CDK6: variants seen among roughly 807,000 people sequenced by gnomAD.
CDK6 encodes cyclin dependent kinase 6.
Under a neutral mutation model 37.1 loss-of-function variants are expected in CDK6, and 6 were observed. That is an observed-to-expected ratio of 0.16 (90% CI 0.09 to 0.32). CDK6 has a LOEUF of 0.32. CDK6 is among the 10% of genes least tolerant of loss of function. CDK6 has a pLI of 1.00. For missense variants in CDK6, 224 were observed against 418.9 expected (o/e 0.53, Z 4.06); for synonymous variants, 160 against 161.3 (o/e 0.99, Z 0.06).
chr7:92,822,516 CTATT>C (rs1262118154), intron 2 of CDK6, among the ~76,000 whole-genome samples: 2 of 152,196 alleles, frequency 1.3e-5, no homozygotes, highest in East Asian at 1.9e-4. Flanking sequence ...CATGGCTTAA[CTATT>C]TATTCACTCA....
At chr7:92,785,971 GCA>G (rs113198879) in intron 2 of CDK6, among the ~76,000 whole-genome samples, 19 of 152,274 alleles carry the variant, frequency 1.2e-4, no homozygotes, top group African/African-American at 4.1e-4. Flanking sequence ...TAGAAAAAAG[GCA>G]CACTTCAATT....
intron 4 of CDK6, among the ~76,000 whole-genome samples, chr7:92,686,995 T>A (rs968848657): frequency 1.3e-5 from 2 of 152,230 alleles, no homozygotes; most frequent in Admixed American, 1.3e-4. Context: ...TTGCTGATTT[T>A]GTTTGAGTTC....
intron 5 of CDK6, among the ~76,000 whole-genome samples, chr7:92,645,150 T>C (rs1796416257): frequency 6.6e-6 from 1 of 152,204 alleles, no homozygotes; most frequent in Non-Finnish European, 1.5e-5. Flanking sequence ...CTGGTTAATT[T>C]GGTTTGGAGT....
At chr7:92,625,709 G>A (rs1158127286) in intron 5 of CDK6, among the ~76,000 whole-genome samples, 5 of 151,992 alleles carry the variant, frequency 3.3e-5, no homozygotes, top group African/African-American at 9.7e-5. Flanking sequence ...TGTAATCTCA[G>A]TAACAGTGGC....
chr7:92,824,405 G>C (rs553950920), intron 2 of CDK6, among the ~76,000 whole-genome samples: 81 of 152,134 alleles, frequency 5.3e-4, no homozygotes, highest in Non-Finnish European at 9.6e-4. Context: ...ACTCCTCTTT[G>C]GGTTAATTTG....
At chr7:92,812,339 C>T (rs1051838956) in intron 2 of CDK6, among the ~76,000 whole-genome samples, 18 of 152,072 alleles carry the variant, frequency 1.2e-4, no homozygotes, top group African/African-American at 3.1e-4. Flanking sequence ...TCAATAATAT[C>T]CAATAATCAA....
intron 5 of CDK6, among the ~76,000 whole-genome samples, chr7:92,640,163 G>A (rs1345647645): frequency 2.6e-5 from 4 of 152,162 alleles, no homozygotes; most frequent in Non-Finnish European, 4.4e-5. Flanking sequence ...CCCATGGAAC[G>A]TATATGTATC....
In CDK6 at chr7:92,753,718, G is replaced by A. The variant is rs188242756; in HGVS notation, c.369+20978C>T. Among the ~76,000 whole-genome samples, 6 of 152,232 alleles carry A rather than the reference G, an allele frequency of 3.9e-5. No individual in the cohort carries two copies. The East Asian group carries it at 1.2e-3, about 29-fold the overall frequency. ...GCTCTAAGAGGGCCAACTAAAACTGGTGCCTCAAGTTTCCTGCCTGACATC... is the reference window on the plus strand; with the variant it reads ...GCTCTAAGAGGGCCAACTAAAACTGATGCCTCAAGTTTCCTGCCTGACATC... On this transcript the variant is annotated intron_variant, in intron 3 of 7. Transcript: ENST00000424848.
chr7:92,732,534 C>G (rs1302465054), intron 3 of CDK6, among the ~76,000 whole-genome samples: 2 of 152,232 alleles, frequency 1.3e-5, no homozygotes, highest in Non-Finnish European at 2.9e-5. Context: ...GTACTTCCTT[C>G]CTCTTCAAAT....
intron 3 of CDK6, among the ~76,000 whole-genome samples, chr7:92,745,900 A>G (rs576706437): frequency 3.0e-4 from 46 of 152,298 alleles, no homozygotes; most frequent in African/African-American, 9.9e-4. Flanking sequence ...CAAACTTATC[A>G]CCTACCCTAA....
Position 92,787,395 on chromosome 7 carries a change from T to C in CDK6, c.234-12564A>G, listed in dbSNP as rs143247668. Among the ~76,000 whole-genome samples, 945 of 152,258 alleles carry C rather than the reference T, an allele frequency of 6.2e-3. 2 individuals carry two copies. Among genetic ancestry groups the C allele is most frequent in the Non-Finnish European group, 0.011 (732 of 68,020 alleles). Reference sequence around the variant, plus strand: ...TCTCCTACCACTCACGTACTTTTCTTCAATCTGTTCCTCTGAATTAATGAG... The same window carrying C: ...TCTCCTACCACTCACGTACTTTTCTCCAATCTGTTCCTCTGAATTAATGAG... On this transcript the variant is annotated intron_variant, in intron 2 of 7. Transcript: ENST00000424848.
intron 4 of CDK6, among the ~76,000 whole-genome samples, chr7:92,686,654 AT>A (rs1325326887): frequency 6.6e-6 from 1 of 152,072 alleles, no homozygotes; most frequent in Non-Finnish European, 1.5e-5. Flanking sequence ...CAGGAATGGG[AT>A]TGCTAGATCC....
intron 4 of CDK6, among the ~76,000 whole-genome samples, chr7:92,704,326 G>A (rs1016282617): frequency 2.6e-5 from 4 of 152,108 alleles, no homozygotes; most frequent in African/African-American, 9.7e-5. Context: ...TTAAATAAGA[G>A]TATGGATCTA....
intron 2 of CDK6, among the ~76,000 whole-genome samples, chr7:92,794,458 C>G (rs140559303): frequency 3.5e-4 from 53 of 152,180 alleles, no homozygotes; most frequent in African/African-American, 1.2e-3. Context: ...TTGCCCCACT[C>G]GCCACTCCAT....
chr7:92,717,500 G>C (rs1022358558), intron 4 of CDK6, among the ~76,000 whole-genome samples: 2 of 150,746 alleles, frequency 1.3e-5, no homozygotes, highest in Admixed American at 1.3e-4. Context: ...AGAAAGAAAA[G>C]AAAAGAAAAA....
chr7:92,829,254 G>T (rs1006165707), intron 2 of CDK6, among the ~76,000 whole-genome samples: 4 of 152,010 alleles, frequency 2.6e-5, no homozygotes, highest in African/African-American at 9.7e-5. Flanking sequence ...TTTTCTTTGG[G>T]TTTTTTGTTT....
At chr7:92,718,289 C>T (rs1390245153) in intron 4 of CDK6, among the ~76,000 whole-genome samples, 2 of 152,146 alleles carry the variant, frequency 1.3e-5, no homozygotes, top group African/African-American at 4.8e-5. Context: ...CCTGCACTTT[C>T]GCTGAGGTGC....
chr7:92,648,690 C>T lies in CDK6; in HGVS notation c.647+22736G>A, dbSNP rs560120785. ...CCCAGTTCAATACGTATTGGATGACCGAGTGTTTGCCAAGTGACCATCTAT... is the reference window on the plus strand; with the variant it reads ...CCCAGTTCAATACGTATTGGATGACTGAGTGTTTGCCAAGTGACCATCTAT... On this transcript the variant is annotated intron_variant, in intron 5 of 7. Coordinates refer to ENST00000424848, the MANE Select transcript of CDK6 (RefSeq NM_001145306.2). 1.3e-3 allele frequency among the ~76,000 whole-genome samples: 201 copies of T among 152,200 alleles called. 1 individual carries two copies. Among genetic ancestry groups the T allele is most frequent in the African/African-American group, 4.5e-3 (185 of 41,534 alleles).
chr7:92,660,735 G>C (rs186077240), intron 5 of CDK6, among the ~76,000 whole-genome samples: 2 of 152,234 alleles, frequency 1.3e-5, no homozygotes, highest in East Asian at 3.9e-4. Context: ...CACAGGACTT[G>C]GATACAGAAG....
Sources: gnomAD v4.1 joint callset for allele counts (sites outside exome capture counted in the v4.1 genomes callset) on GRCh38, gnomAD v4.1.1 for gene constraint, MANE v1.5 for transcripts, NCBI Gene and HGNC (gene_info 2026-07-23, HGNC 2026-07-21) for gene names.